The following GDAP1L1 variants were observed in gnomAD, a reference collection of about 807,000 sequenced individuals.
GDAP1L1 encodes ganglioside induced differentiation associated protein 1 like 1.
Under a neutral mutation model 37.1 loss-of-function variants are expected in GDAP1L1, and 21 were observed. The ratio of observed to expected loss-of-function variants is 0.57; its 90% CI spans 0.40 to 0.81. The LOEUF (loss-of-function observed/expected upper bound fraction) is 0.81, where lower values mean the gene tolerates loss of function less well. Ranked by LOEUF, GDAP1L1 falls within the 40% of genes least tolerant of loss-of-function variation. The pLI, the probability that GDAP1L1 is intolerant of heterozygous loss-of-function variation, is 0.00. For synonymous variants in GDAP1L1, 193 were observed against 209.1 expected, an observed-to-expected ratio of 0.92 and a Z score of 0.67; for missense variants, 362 against 491.6, an observed-to-expected ratio of 0.74 and a Z score of 2.49.
chr20:44,261,953 T>TC (rs1451255259), intron 3 of GDAP1L1, among the ~76,000 whole-genome samples: 3 of 152,148 alleles, frequency 2.0e-5, no homozygotes, highest in Non-Finnish European at 4.4e-5. Flanking sequence ...TCTGGCACAT[T>TC]CAGGGAACAG....
At chr20:44,260,315 C>G (rs565328786) in intron 3 of GDAP1L1, among the ~76,000 whole-genome samples, 1 of 150,480 alleles carries the variant, frequency 6.6e-6, no homozygotes, top group African/African-American at 2.5e-5. Context: ...CTAGTGTGCT[C>G]TCATTAGTAC....
At chr20:44,256,593 G>A (rs1407010289) in intron 1 of GDAP1L1, among the ~76,000 whole-genome samples, 1 of 151,978 alleles carries the variant, frequency 6.6e-6, no homozygotes, top group Non-Finnish European at 1.5e-5. Context: ...CCAGGAGGCA[G>A]AGGTTGCAGA....
At chr20:44,266,096 G>T (rs2073757362) in intron 5 of GDAP1L1, among the ~76,000 whole-genome samples, 1 of 152,178 alleles carries the variant, frequency 6.6e-6, no homozygotes, top group African/African-American at 2.4e-5. Context: ...ATCACCTGAG[G>T]TCAGGAGTTC....
Position 44,279,973 on chromosome 20 carries a change from T to C in GDAP1L1, c.*673T>C, listed in dbSNP as rs771654314. 4.9e-5 allele frequency: 17 copies of C among 350,326 alleles called. No homozygotes were observed. Among genetic ancestry groups the C allele is most frequent in the Admixed American group, 7.6e-5 (2 of 26,268 alleles). 21.7% of individuals were successfully genotyped at this position (350,326 alleles called of 1,614,324 possible). On this transcript the variant is annotated 3_prime_UTR_variant, in exon 6 of 6. Coordinates refer to ENST00000342560, the MANE Select transcript of GDAP1L1 (RefSeq NM_024034.6). ...GTCCATGTGTTGGGTTTGGCCTTAG[T>C]AGAAATCTCTGAAGGCAGCAGCCAT... is the stretch of plus-strand genomic sequence containing the variant.
In GDAP1L1 at chr20:44,263,151, A is replaced by C. The variant is rs936030407; in HGVS notation, c.548-79A>C. The C allele has an allele frequency of 5.7e-6, 6 of 1,046,450 alleles. No homozygotes were observed. In the African/African-American group the frequency reaches 7.8e-5, roughly 14 times the overall value. 64.8% of individuals were successfully genotyped at this position (1,046,450 alleles called of 1,614,324 possible). A position where few individuals can be genotyped will look rare whatever the true frequency, so the allele number is the denominator to read the frequency against. ...TCTGACCAGTGTTTGGATGGGGCCT[A>C]CTTCAAGTTGTGTAAGGCAGGTGAT... On this transcript the variant is annotated intron_variant, in intron 3 of 5. Transcript: ENST00000342560.
intron 3 of GDAP1L1, among the ~76,000 whole-genome samples, chr20:44,261,379 G>A (rs2143641): frequency 0.08 from 12,210 of 152,222 alleles, 976 homozygotes; most frequent in East Asian, 0.31. Flanking sequence ...CTGGGAGTGC[G>A]TTTACTGGGA....
At position 44,264,493 on chromosome 20, in the gene GDAP1L1, G is replaced by A. The variant is rs756516347; in HGVS notation, c.694G>A (p.Gly232Arg). 12 of 1,555,784 alleles carry A rather than the reference G, an allele frequency of 7.7e-6. No individual in the cohort carries two copies. Among genetic ancestry groups the A allele is most frequent in the Middle Eastern group, 1.7e-4 (1 of 5,810 alleles). The change falls in exon 5 of 6, where the codon GGG becomes AGG. Residue 232 changes from glycine (G) to arginine (R), a missense_variant. Physicochemically the swap from Gly to Arg is moderately radical, Grantham distance 125. Around this residue, in one of 2 missense-constraint regions of GDAP1L1, gnomAD observed 277 missense variants for 337.1 expected, o/e 0.82. Transcript: ENST00000342560. ...DDVSYLKKIL[G>R]ELAMVLDQIE... ...TGTGAGCTACCTGAAGAAGATCCTCGGGGAACTGGCCATGGTGCTGGACCA... is the reference window on the plus strand; with the variant it reads ...TGTGAGCTACCTGAAGAAGATCCTCAGGGAACTGGCCATGGTGCTGGACCA...
intron 3 of GDAP1L1, among the ~76,000 whole-genome samples, chr20:44,258,875 T>A (rs1265818895): frequency 6.6e-6 from 1 of 151,894 alleles, no homozygotes; most frequent in Non-Finnish European, 1.5e-5. Context: ...CGGCCTTCCA[T>A]CTCATTCACC....
At chr20:44,251,920 C>T (rs1437309799) in intron 1 of GDAP1L1, among the ~76,000 whole-genome samples, 2 of 152,246 alleles carry the variant, frequency 1.3e-5, no homozygotes, top group African/African-American at 2.4e-5. Flanking sequence ...TTATATAACA[C>T]GGTCTGGTGG....
rs2062630236 is a variant in GDAP1L1 at position 44,280,619 on chromosome 20, C to T, written c.*1319C>T. 6.6e-6 allele frequency: 1 copy of T among 152,212 alleles called. No individual in the cohort carries two copies. The highest frequency in any genetic ancestry group is 6.5e-5 in the Admixed American group (1 of 15,282). 9.4% of individuals were successfully genotyped at this position (152,212 alleles called of 1,614,324 possible). A position where few individuals can be genotyped will look rare whatever the true frequency, so the allele number is the denominator to read the frequency against. ...TACAGGTTACAGGGCATGTGTACAA[C>T]CCTTTGTTCTCATTAACCTGTGCAA... On this transcript the variant is annotated 3_prime_UTR_variant, in exon 6 of 6. Transcript: ENST00000342560.
At position 44,263,281 on chromosome 20, in the gene GDAP1L1, A is replaced by G. The variant is rs2073704927; in HGVS notation, c.599A>G (p.Glu200Gly). 6.2e-7 allele frequency: 1 copy of G among 1,614,144 alleles called. No homozygotes were observed. Among genetic ancestry groups the G allele is most frequent in the African/African-American group, 1.3e-5 (1 of 75,032 alleles). ...TDLMKLDHEEEPQLSEPYLSK... is the reference protein window; with the variant it reads ...TDLMKLDHEEGPQLSEPYLSK... ...CTCATGAAACTGGACCATGAAGAGGAGCCCCAGCTCTCCGAGCCCTACCTT... is the reference window on the plus strand; with the variant it reads ...CTCATGAAACTGGACCATGAAGAGGGGCCCCAGCTCTCCGAGCCCTACCTT... The change falls in exon 4 of 6, where the codon GAG becomes GGG. Residue 200 changes from glutamate (E) to glycine (G), a missense_variant. By Grantham distance (98) the Glu-to-Gly change is moderately conservative (BLOSUM62 -2). This residue lies in a region of GDAP1L1 where 277 missense variants were observed against 337.1 expected (regional missense o/e 0.82). Transcript: ENST00000342560.
chr20:44,249,131 G>A (rs930178629), intron 1 of GDAP1L1, among the ~76,000 whole-genome samples: 2 of 151,998 alleles, frequency 1.3e-5, no homozygotes, highest in Non-Finnish European at 2.9e-5. Context: ...CGCCTCCTGG[G>A]TTCAAGTGAT....
chr20:44,257,219 G>A lies in GDAP1L1; in HGVS notation c.247G>A (p.Glu83Lys), dbSNP rs767577909. ...GCGGGACGTGAGCCTGCCACAGAGC[G>A]AGCACAAGGAGCCCTGGTTCATGCG... Reference protein sequence around the residue: ...EERDVSLPQSEHKEPWFMRLN... With the variant: ...EERDVSLPQSKHKEPWFMRLN... Residue 83 changes from glutamate (E) to lysine (K), a missense_variant, in exon 2 of 6, where the codon GAG becomes AAG. Transcript: ENST00000342560. 4.2e-5 allele frequency: 67 copies of A among 1,612,096 alleles called. No individual in the cohort carries two copies. The highest frequency in any genetic ancestry group is 4.8e-5 in the Non-Finnish European group (57 of 1,179,346).
chr20:44,266,081 G>C (rs373240956), intron 5 of GDAP1L1, among the ~76,000 whole-genome samples: 1 of 152,206 alleles, frequency 6.6e-6, no homozygotes, highest in East Asian at 1.9e-4. Context: ...GGCCGAGGCG[G>C]GTGGATCACC....
At chr20:44,269,909 C>T (rs1201937715) in intron 5 of GDAP1L1, among the ~76,000 whole-genome samples, 2 of 152,050 alleles carry the variant, frequency 1.3e-5, no homozygotes, top group South Asian at 4.1e-4. Context: ...CCAGGCTGGG[C>T]GTTTGGGAGA....
chr20:44,263,476 T>C (rs1255340201), intron 4 of GDAP1L1, 149 bp downstream of exon 4: 4 of 652,556 alleles, frequency 6.1e-6, no homozygotes, highest in Non-Finnish European at 1.1e-5. Flanking sequence ...TGCCATTTAC[T>C]AGCTGTTAGA....
chr20:44,279,916 T>G lies in GDAP1L1; in HGVS notation c.*616T>G. On this transcript the variant is annotated 3_prime_UTR_variant, in exon 6 of 6. Coordinates refer to ENST00000342560, the MANE Select transcript of GDAP1L1 (RefSeq NM_024034.6). ...CAGGCTGCAGTGGGGACGGATACCA[T>G]GAGCACACCCTCTCATTGTCCTTCT... 4 of 390,448 alleles carry G rather than the reference T, an allele frequency of 1.0e-5. No individual in the cohort carries two copies. Among genetic ancestry groups the G allele is most frequent in the South Asian group, 7.7e-5 (4 of 51,964 alleles). The allele number at this position is 390,448 out of a possible 1,614,324, so 24.2% of individuals were successfully genotyped here.
chr20:44,253,232 G>T (rs1221717408), intron 1 of GDAP1L1, among the ~76,000 whole-genome samples: 1 of 152,122 alleles, frequency 6.6e-6, no homozygotes, highest in Non-Finnish European at 1.5e-5. Context: ...GTTCCCTGAG[G>T]GCAGGGATCA....
intron 5 of GDAP1L1, among the ~76,000 whole-genome samples, chr20:44,275,143 C>T (rs981188533): frequency 6.6e-6 from 1 of 152,168 alleles, no homozygotes; most frequent in Non-Finnish European, 1.5e-5. Flanking sequence ...AATCCTCCTG[C>T]CTTAGCCTCC....
Sources: gnomAD v4.1 joint callset for allele counts (sites outside exome capture counted in the v4.1 genomes callset) on GRCh38, gnomAD v4.1.1 for gene constraint, gnomAD v4.1.1 regional missense constraint, MANE v1.5 for transcripts, NCBI Gene and HGNC (gene_info 2026-07-23, HGNC 2026-07-21) for gene names.